The following HYDIN variants were observed in gnomAD, a reference collection of about 807,000 sequenced individuals.
HYDIN encodes the protein axonemal central pair apparatus protein HYDIN.
In HYDIN, 132 loss-of-function variants were observed where a neutral mutation model predicts 403.9. The observed-to-expected ratio is 0.33, with a 90% CI of 0.28 to 0.38. The LOEUF (loss-of-function observed/expected upper bound fraction) is 0.38. HYDIN is among the 10% of genes least tolerant of loss of function. The pLI is 1.00. For synonymous variants in HYDIN, 1,202 were observed against 1,891.7 expected, an observed-to-expected ratio of 0.64 and a Z score of 9.46; for missense variants, 2,827 against 5,009.5, an observed-to-expected ratio of 0.56 and a Z score of 13.15.
At chr16:70,893,407 T>C (rs1188766891) in intron 55 of HYDIN, 1 of 152,180 alleles carries the variant, frequency 6.6e-6, no homozygotes, top group African/African-American at 2.4e-5. Context: ...GGCACTGCCA[T>C]GAAGGGCTGT....
intron 23 of HYDIN, among the ~76,000 whole-genome samples, chr16:71,012,847 CTTTTTTT>C (rs35998725): frequency 8.0e-5 from 10 of 125,776 alleles, no homozygotes; most frequent in African/African-American, 2.6e-4. Flanking sequence ...AACCAGGTGG[CTTTTTTT>C]TTTTTTTTTT....
chr16:70,830,116 A>C (rs2036875689), intron 80 of HYDIN, among the ~76,000 whole-genome samples: 1 of 152,056 alleles, frequency 6.6e-6, no homozygotes. Flanking sequence ...ACACAAGTGG[A>C]ATGTAGAGCG....
At chr16:71,174,656 C>T (rs2086595963) in intron 5 of HYDIN, among the ~76,000 whole-genome samples, 1 of 152,084 alleles carries the variant, frequency 6.6e-6, no homozygotes, top group African/African-American at 2.4e-5. Flanking sequence ...CACCCTCAGG[C>T]CCCCATACCT....
At chr16:70,947,176 T>G (rs1445234469) in intron 41 of HYDIN, among the ~76,000 whole-genome samples, 1 of 149,604 alleles carries the variant, frequency 6.7e-6, no homozygotes, top group Non-Finnish European at 1.5e-5. Flanking sequence ...GGCTGTGGGT[T>G]TGTCATAGAT....
At chr16:70,927,034 G>A (rs902799014) in intron 45 of HYDIN, among the ~76,000 whole-genome samples, 2 of 152,144 alleles carry the variant, frequency 1.3e-5, no homozygotes, top group African/African-American at 4.8e-5. Flanking sequence ...ATTTATGATT[G>A]GAATCCTAGA....
At chr16:70,994,149 T>C (rs536126059) in intron 23 of HYDIN, among the ~76,000 whole-genome samples, 1 of 152,262 alleles carries the variant, frequency 6.6e-6, no homozygotes, top group East Asian at 1.9e-4. Context: ...GCTGGGCTTA[T>C]TACTGTATGG....
intron 48 of HYDIN, 52 bp downstream of exon 48, chr16:70,908,601 T>G (rs2076602853): frequency 6.7e-7 from 1 of 1,491,522 alleles, no homozygotes; most frequent in Admixed American, 2.0e-5. Context: ...AGTCACACCC[T>G]CAGTGTGGGC....
At chr16:71,071,332 T>G (rs2082461825) in intron 13 of HYDIN, among the ~76,000 whole-genome samples, 1 of 151,734 alleles carries the variant, frequency 6.6e-6, no homozygotes, top group Non-Finnish European at 1.5e-5. Flanking sequence ...AGGAAGGGGA[T>G]GCTGATTTGT....
intron 64 of HYDIN, among the ~76,000 whole-genome samples, chr16:70,872,790 C>T (rs1361396601): frequency 2.1e-5 from 3 of 146,292 alleles, no homozygotes; most frequent in African/African-American, 7.9e-5. Flanking sequence ...CCATCATCCA[C>T]CCATCCATCA....
intron 18 of HYDIN, among the ~76,000 whole-genome samples, chr16:71,059,692 C>A (rs1478290983): frequency 6.6e-6 from 1 of 152,138 alleles, no homozygotes; most frequent in Non-Finnish European, 1.5e-5. Context: ...TGCTTATTAC[C>A]TGTGTGATAA....
intron 20 of HYDIN, chr16:71,027,321 G>A (rs2080742914): frequency 7.5e-7 from 1 of 1,335,236 alleles, no homozygotes; most frequent in Non-Finnish European, 9.6e-7. Flanking sequence ...CTAAAAACTG[G>A]GTGTTTTTCT....
At chr16:71,052,049 T>C (rs2081669940) in intron 18 of HYDIN, among the ~76,000 whole-genome samples, 1 of 152,278 alleles carries the variant, frequency 6.6e-6, no homozygotes. Flanking sequence ...TCCCAGTAGA[T>C]ATTCATAGTA....
At chr16:71,130,770 G>A (rs2084681943) in intron 8 of HYDIN, among the ~76,000 whole-genome samples, 1 of 151,358 alleles carries the variant, frequency 6.6e-6, no homozygotes, top group South Asian at 2.1e-4. Context: ...TTACAGGCGT[G>A]AGCCACCGCG....
intron 1 of HYDIN, among the ~76,000 whole-genome samples, chr16:71,222,076 G>C (rs1000127863): frequency 6.6e-6 from 1 of 152,134 alleles, no homozygotes. Flanking sequence ...CTCCACTGGA[G>C]TCTTTCTGAG....
intron 18 of HYDIN, among the ~76,000 whole-genome samples, chr16:71,054,076 G>C (rs2081771248): frequency 6.6e-6 from 1 of 152,262 alleles, no homozygotes; most frequent in African/African-American, 2.4e-5. Context: ...ACCTTAAGGG[G>C]AGTGGGTATG....
At chr16:70,998,529 T>A (rs1287085910) in intron 23 of HYDIN, among the ~76,000 whole-genome samples, 1 of 143,972 alleles carries the variant, frequency 6.9e-6, no homozygotes, top group African/African-American at 2.8e-5. Context: ...AAACCATGCA[T>A]CTTTACTTGT....
chr16:71,186,770 T>A lies in HYDIN; in HGVS notation c.126A>T (p.Val42=). The stretch of plus-strand genomic sequence containing the variant: ...TTCCCGGATACATTACCATTCGGTT[T>A]ACTTCTTCTTCTGTAACCACCTTTG... ...LSPKVVTEEE[V]NRMLTPSEFL... is the part of the protein sequence containing the mutation. The change falls in exon 2 of 86, where the codon GTA becomes GTT. Residue 42 remains valine (V), a synonymous_variant. Transcript: ENST00000393567. 1 of 1,612,516 alleles carries A rather than the reference T, an allele frequency of 6.2e-7. No homozygotes were observed. The highest frequency in any genetic ancestry group is 8.5e-7 in the Non-Finnish European group (1 of 1,179,100).
At chr16:70,890,148 T>C (rs977234958) in intron 57 of HYDIN, among the ~76,000 whole-genome samples, 14 of 152,256 alleles carry the variant, frequency 9.2e-5, no homozygotes, top group Non-Finnish European at 1.6e-4. Context: ...AGTTCAAATA[T>C]AGGTCTTGGT....
chr16:70,916,842 C>T (rs1026741676), intron 47 of HYDIN, among the ~76,000 whole-genome samples: 8 of 152,158 alleles, frequency 5.3e-5, no homozygotes, highest in South Asian at 4.2e-4. Context: ...CTCTTTCTCT[C>T]TTTTTCCTTC....
Sources: allele counts gnomAD v4.1 joint callset (sites outside exome capture counted in the v4.1 genomes callset), GRCh38; gene constraint gnomAD v4.1.1; transcripts MANE v1.5; gene names NCBI Gene and HGNC (gene_info 2026-07-23, HGNC 2026-07-21).